The following KCNH7 variants were observed in gnomAD, a reference collection of about 807,000 sequenced individuals.
KCNH7 encodes voltage-gated inwardly rectifying potassium channel KCNH7.
Under a neutral mutation model 120.8 loss-of-function variants are expected in KCNH7, and 49 were observed. The ratio of observed to expected loss-of-function variants is 0.41; its 90% confidence interval spans 0.32 to 0.51. KCNH7 has a LOEUF of 0.51. KCNH7 is among the 20% of genes least tolerant of loss of function. The pLI is 0.38. For missense variants in KCNH7, 1,097 were observed against 1,446.6 expected, an observed-to-expected ratio of 0.76 and a Z score of 3.92; for synonymous variants, 547 against 516.1, an observed-to-expected ratio of 1.06 and a Z score of -0.81.
At chr2:162,624,843 G>A (rs1683491788) in intron 2 of KCNH7, among the ~76,000 whole-genome samples, 1 of 146,762 alleles carries the variant, frequency 6.8e-6, no homozygotes. Flanking sequence ...ACCAAAGGGA[G>A]TTTCAGGTGG....
chr2:162,676,222 C>T (rs866575376), intron 2 of KCNH7, among the ~76,000 whole-genome samples: 2 of 151,434 alleles, frequency 1.3e-5, no homozygotes, highest in African/African-American at 4.8e-5. Flanking sequence ...AGATTTACCT[C>T]TAAGGCTCTG....
At chr2:162,705,358 G>C (rs995896997) in intron 2 of KCNH7, among the ~76,000 whole-genome samples, 1 of 152,086 alleles carries the variant, frequency 6.6e-6, no homozygotes, top group Non-Finnish European at 1.5e-5. Flanking sequence ...TTGTGCAACT[G>C]TAAGGTGTAA....
At chr2:162,374,020 G>A (rs959532087) in intron 14 of KCNH7, among the ~76,000 whole-genome samples, 1 of 152,110 alleles carries the variant, frequency 6.6e-6, no homozygotes, top group African/African-American at 2.4e-5. Context: ...TCAGTTTCTT[G>A]TGAACATTTT....
At chr2:162,751,194 A>C (rs1441691424) in intron 2 of KCNH7, among the ~76,000 whole-genome samples, 1 of 152,158 alleles carries the variant, frequency 6.6e-6, no homozygotes, top group Non-Finnish European at 1.5e-5. Flanking sequence ...GAAGTTATTC[A>C]TGTTTTTCCA....
chr2:162,709,733 C>T (rs1380074324), intron 2 of KCNH7, among the ~76,000 whole-genome samples: 2 of 152,136 alleles, frequency 1.3e-5, no homozygotes, highest in East Asian at 1.9e-4. Flanking sequence ...ATTCCTTTCT[C>T]CTGACTTGTT....
chr2:162,426,140 G>T (rs555506723), intron 8 of KCNH7, among the ~76,000 whole-genome samples: 1 of 151,510 alleles, frequency 6.6e-6, no homozygotes, highest in Admixed American at 6.6e-5. Flanking sequence ...CTTGATCCAG[G>T]GAGGCTCAGG....
intron 7 of KCNH7, among the ~76,000 whole-genome samples, chr2:162,438,367 C>A (rs78477869): frequency 0.032 from 4,855 of 152,178 alleles, 273 homozygotes; most frequent in African/African-American, 0.11. Flanking sequence ...AAGTCAAAAT[C>A]TATATGACAG....
intron 2 of KCNH7, among the ~76,000 whole-genome samples, chr2:162,604,895 T>C (rs1411039305): frequency 1.3e-5 from 2 of 152,136 alleles, no homozygotes; most frequent in African/African-American, 4.8e-5. Flanking sequence ...GAAAGAAATA[T>C]TAAAAACTGG....
chr2:162,778,691 T>C (rs573432907), intron 2 of KCNH7, among the ~76,000 whole-genome samples: 1 of 152,324 alleles, frequency 6.6e-6, no homozygotes, highest in South Asian at 2.1e-4. Flanking sequence ...TTACAATTAT[T>C]AAATCACACA....
At chr2:162,440,933 GT>G (rs1290038936) in intron 7 of KCNH7, among the ~76,000 whole-genome samples, 1 of 152,048 alleles carries the variant, frequency 6.6e-6, no homozygotes, top group African/African-American at 2.4e-5. Flanking sequence ...AATTTGACTT[GT>G]CCTGAGAAAT....
chr2:162,768,993 C>G (rs944044043), intron 2 of KCNH7: 3 of 152,156 alleles, frequency 2.0e-5, no homozygotes, highest in Non-Finnish European at 4.4e-5. Context: ...ATGGAGGTAA[C>G]AGAGGCAAAG....
At chr2:162,640,160 T>C (rs962140172) in intron 2 of KCNH7, among the ~76,000 whole-genome samples, 1 of 152,164 alleles carries the variant, frequency 6.6e-6, no homozygotes, top group African/African-American at 2.4e-5. Context: ...CTTATCAAGA[T>C]CCCAGCAAAA....
intron 2 of KCNH7, among the ~76,000 whole-genome samples, chr2:162,671,558 G>T (rs182702450): frequency 6.6e-6 from 1 of 152,128 alleles, no homozygotes; most frequent in Non-Finnish European, 1.5e-5. Flanking sequence ...ACTCCAAAAG[G>T]TGGGATAGTG....
intron 6 of KCNH7, among the ~76,000 whole-genome samples, chr2:162,488,039 G>A (rs530248944): frequency 6.6e-6 from 1 of 152,284 alleles, no homozygotes; most frequent in Non-Finnish European, 1.5e-5. Flanking sequence ...CTCAGGCCAG[G>A]AGGGCAAAGG....
At chr2:162,641,002 G>A (rs992106434) in intron 2 of KCNH7, among the ~76,000 whole-genome samples, 1 of 152,026 alleles carries the variant, frequency 6.6e-6, no homozygotes, top group Admixed American at 6.6e-5. Flanking sequence ...CTGTCAAAAT[G>A]GCTAAACTAA....
At chr2:162,466,809 A>G (rs374881547) in intron 6 of KCNH7, among the ~76,000 whole-genome samples, 1 of 152,344 alleles carries the variant, frequency 6.6e-6, no homozygotes, top group East Asian at 1.9e-4. Flanking sequence ...AGAACAATTT[A>G]ATTGGACACT....
chr2:162,813,380 T>C (rs2571990), intron 2 of KCNH7, among the ~76,000 whole-genome samples: 4,501 of 152,276 alleles, frequency 0.03, 88 homozygotes, highest in East Asian at 0.085. Context: ...GTGTACACAA[T>C]GGTGGTCACT....
chr2:162,761,917 C>T (rs756718864), intron 2 of KCNH7, among the ~76,000 whole-genome samples: 2 of 152,050 alleles, frequency 1.3e-5, no homozygotes, highest in Non-Finnish European at 2.9e-5. Context: ...ATTTCCTATT[C>T]TCCTAATAAG....
chr2:162,799,229 T>C (rs1290477554), intron 2 of KCNH7, among the ~76,000 whole-genome samples: 2 of 151,984 alleles, frequency 1.3e-5, no homozygotes, highest in Non-Finnish European at 2.9e-5. Context: ...TGTGAAAAAA[T>C]TCAATGCCAA....
Sources: allele counts gnomAD v4.1 joint callset (sites outside exome capture counted in the v4.1 genomes callset), GRCh38; gene constraint gnomAD v4.1.1; transcripts MANE v1.5; gene names NCBI Gene and HGNC (gene_info 2026-07-23, HGNC 2026-07-21).